Variants in SYCP2 observed in about 807,000 individuals in gnomAD.
The protein encoded by SYCP2 is synaptonemal complex lateral element protein.
In SYCP2, 55 loss-of-function variants were observed where a neutral mutation model predicts 211.3. That is an observed-to-expected ratio of 0.26 (90% CI 0.21 to 0.33). The LOEUF is 0.33. Ranked by LOEUF, SYCP2 falls within the 10% of genes least tolerant of loss-of-function variation. The pLI is 1.00. For synonymous variants in SYCP2, 570 were observed against 555.2 expected, an observed-to-expected ratio of 1.03 and a Z score of -0.37; for missense variants, 1,731 against 1,752.0, an observed-to-expected ratio of 0.99 and a Z score of 0.21.
At chr20:59,878,142 T>A (rs2059597802) in intron 31 of SYCP2, 97 bp from the exon 32 acceptor site, 1 of 877,510 alleles carries the variant, frequency 1.1e-6, no homozygotes, top group African/African-American at 1.7e-5. Context: ...ATTAAAATAA[T>A]AAAAAGTAGT....
intron 17 of SYCP2, 111 bp downstream of exon 17, chr20:59,900,633 G>T: frequency 1.3e-6 from 1 of 743,156 alleles, no homozygotes; most frequent in East Asian, 2.7e-5. Context: ...TGTTTATATT[G>T]AGACCATTTG....
intron 26 of SYCP2, among the ~76,000 whole-genome samples, chr20:59,884,025 G>A (rs1484823065): frequency 3.3e-5 from 5 of 151,712 alleles, no homozygotes; most frequent in African/African-American, 4.8e-5. Context: ...TTTAAATATC[G>A]AAGACTTAAA....
At chr20:59,867,346 T>TG (rs2059369828) in intron 39 of SYCP2, among the ~76,000 whole-genome samples, 1 of 151,664 alleles carries the variant, frequency 6.6e-6, no homozygotes. Context: ...GAAATGGTAT[T>TG]GCTCTGACTG....
rs201739661 is a variant in SYCP2 at position 59,896,467 on chromosome 20, C to A, written c.1466G>T (p.Arg489Ile). ...EASMIVSGADRYTMRSPVLFS... is the reference protein window; with the variant it reads ...EASMIVSGADIYTMRSPVLFS... Reference sequence around the variant, plus strand: ...AAGCACTGGACTTCTCATAGTGTATCTATCTGCACCAGAAACAATCATTGA... The same window carrying A: ...AAGCACTGGACTTCTCATAGTGTATATATCTGCACCAGAAACAATCATTGA... The change falls in exon 19 of 45, where the codon AGA (arginine) becomes ATA (isoleucine). Residue 489 changes from arginine to isoleucine, a missense_variant. By Grantham distance (97) the Arg-to-Ile change is moderately conservative (BLOSUM62 -3). Around this residue, in one of 3 missense-constraint regions of SYCP2, gnomAD observed 1,387 missense variants for 1,351.3 expected, o/e 1.03. Coordinates refer to ENST00000357552, the MANE Select transcript of SYCP2 (RefSeq NM_014258.4). The A allele has an allele frequency of 6.2e-7, 1 of 1,609,370 alleles. No individual in the cohort carries two copies. The highest frequency in any genetic ancestry group is 1.3e-5 in the African/African-American group (1 of 74,794).
At chr20:59,905,225 TG>T (rs1187745760) in intron 15 of SYCP2, among the ~76,000 whole-genome samples, 2 of 152,176 alleles carry the variant, frequency 1.3e-5, no homozygotes, top group African/African-American at 4.8e-5. Context: ...GCTAATCATA[TG>T]CCTATGGGTC....
chr20:59,893,964 A>G (rs958680355), intron 20 of SYCP2, among the ~76,000 whole-genome samples: 12 of 151,922 alleles, frequency 7.9e-5, no homozygotes, highest in East Asian at 1.9e-4. Flanking sequence ...TTTCTTTCTT[A>G]TATTTCACTT....
chr20:59,888,752 T>A (rs1247757464), intron 24 of SYCP2, among the ~76,000 whole-genome samples: 1 of 152,002 alleles, frequency 6.6e-6, no homozygotes, highest in African/African-American at 2.4e-5. Context: ...TCTCAAAGAA[T>A]TAGCAACAAA....
intron 6 of SYCP2, 24 bp downstream of exon 6, chr20:59,919,469 C>T: frequency 7.0e-7 from 1 of 1,422,150 alleles, no homozygotes; most frequent in Non-Finnish European, 9.9e-7. Context: ...TTATAAATAT[C>T]AGTGTAATCA....
At position 59,867,266 on chromosome 20, in the gene SYCP2, T is replaced by A. The variant is rs556257189; in HGVS notation, c.4125+445A>T. On this transcript the variant is annotated intron_variant, in intron 39 of 44. Coordinates refer to ENST00000357552, the MANE Select transcript of SYCP2 (RefSeq NM_014258.4). ...TTAAAAACTGTTTTAAAAAGCATTT[T>A]TGCATTATCTCACTGGAACCTCAAA... Among the ~76,000 whole-genome samples, 9 of 151,720 alleles carry A rather than the reference T, an allele frequency of 5.9e-5. No homozygotes were observed. In the East Asian group the frequency reaches 1.5e-3, roughly 26 times the overall value.
rs927244331 is a variant in SYCP2 at position 59,881,505 on chromosome 20, T to C, written c.2659-13A>G. On this transcript the variant is annotated splice_polypyrimidine_tract_variant and intron_variant, in intron 28 of 44. Coordinates refer to ENST00000357552, the MANE Select transcript of SYCP2 (RefSeq NM_014258.4). ...GAAACTCTTGGATCTATATTGTAAA[T>C]AAACAAAAAAAAAGAGGTGTCAGTG... 2.2e-6 allele frequency: 3 copies of C among 1,393,292 alleles called. No homozygotes were observed. The highest frequency in any genetic ancestry group is 1.5e-5 in the African/African-American group (1 of 66,262). The allele number at this position is 1,393,292 out of a possible 1,614,324, so 86.3% of individuals were successfully genotyped here. A position where few individuals can be genotyped will look rare whatever the true frequency, so the allele number is the denominator to read the frequency against.
chr20:59,930,031 T>C (rs1195009684), intron 2 of SYCP2, among the ~76,000 whole-genome samples: 2 of 152,086 alleles, frequency 1.3e-5, no homozygotes, highest in Non-Finnish European at 2.9e-5. Context: ...CTCTATATAG[T>C]GTAATCTCTT....
chr20:59,913,373 TTTAG>T (rs940241420), intron 12 of SYCP2, among the ~76,000 whole-genome samples: 9 of 152,260 alleles, frequency 5.9e-5, no homozygotes, highest in South Asian at 2.1e-4. Context: ...CGTTAATTTC[TTTAG>T]TAAGTAAAAT....
chr20:59,866,297 A>G lies in SYCP2; in HGVS notation c.4316T>C (p.Phe1439Ser), dbSNP rs1233193459. ...SQSLKDLEKE[F>S]VDFWEKIFQK... ...AAAATTTTTAAAGTAACAAACCACA[A>G]ATTCCTTTTCCAAATCTTTTAAAGA... Residue 1439 changes from phenylalanine to serine, a missense_variant, in exon 41 of 45, where the codon TTT (phenylalanine) becomes TCT (serine). Transcript: ENST00000357552. The G allele has an allele frequency of 6.3e-7, 1 of 1,576,902 alleles. No homozygotes were observed. The highest frequency in any genetic ancestry group is 2.3e-5 in the East Asian group (1 of 44,402).
In SYCP2 at chr20:59,871,995, G is replaced by C. The variant is rs185171804; in HGVS notation, c.3555+1861C>G. Among the ~76,000 whole-genome samples the C allele has an allele frequency of 5.8e-3, 885 of 152,062 alleles. 12 individuals are homozygous for C. The highest frequency in any genetic ancestry group is 0.021 in the African/African-American group (861 of 41,494). On this transcript the variant is annotated intron_variant, in intron 35 of 44. Transcript: ENST00000357552. ...AGTGTGAAACTGGGTTTCAAATTGTGGTCTGTAGAAACTCAGAGTTTTGAA... is the reference window on the plus strand; with the variant it reads ...AGTGTGAAACTGGGTTTCAAATTGTCGTCTGTAGAAACTCAGAGTTTTGAA...
intron 24 of SYCP2, among the ~76,000 whole-genome samples, chr20:59,888,619 C>G (rs976283090): frequency 4.6e-5 from 7 of 151,952 alleles, no homozygotes; most frequent in African/African-American, 1.7e-4. Context: ...CTCATTGCTT[C>G]TTTTTAACAT....
Position 59,910,687 on chromosome 20 carries a change from A to C in SYCP2, c.972+1063T>G, listed in dbSNP as rs148343425. Among the ~76,000 whole-genome samples the C allele has an allele frequency of 1.8e-3, 281 of 151,912 alleles. 2 individuals are homozygous for C. Among genetic ancestry groups the C allele is most frequent in the African/African-American group, 6.5e-3 (271 of 41,460 alleles). On this transcript the variant is annotated intron_variant, in intron 14 of 44. Coordinates refer to ENST00000357552, the MANE Select transcript of SYCP2 (RefSeq NM_014258.4). ...ATAGTAGTTACTGCTATTTAATAAC[A>C]ATACTTTTCTCTTCTCCCAAAACGA...
intron 34 of SYCP2, among the ~76,000 whole-genome samples, chr20:59,874,567 T>C (rs1476855163): frequency 6.6e-6 from 1 of 152,080 alleles, no homozygotes; most frequent in Non-Finnish European, 1.5e-5. Flanking sequence ...TATGCGCTTA[T>C]GTGAAATTTC....
chr20:59,863,754 A>C lies in SYCP2; in HGVS notation c.*557T>G, dbSNP rs1333365792. 1 of 151,970 alleles carries C rather than the reference A, an allele frequency of 6.6e-6. No homozygotes were observed. Among genetic ancestry groups the C allele is most frequent in the Non-Finnish European group, 1.5e-5 (1 of 67,890 alleles). The allele number at this position is 151,970 out of a possible 1,614,324, so 9.4% of individuals were successfully genotyped here. The stretch of plus-strand genomic sequence containing the variant: ...TTGAATTAACATATTTAGGCAATGT[A>C]GTAGCTTTTTTAGGCCATTTAGTGC... On this transcript the variant is annotated 3_prime_UTR_variant, in exon 45 of 45. Coordinates refer to ENST00000357552, the MANE Select transcript of SYCP2 (RefSeq NM_014258.4).
rs757488557 is a variant in SYCP2, at chr20:59,880,320, T to A, written c.2924A>T (p.His975Leu). The A allele has an allele frequency of 1.3e-6, 2 of 1,584,996 alleles. No individual in the cohort carries two copies. Among genetic ancestry groups the A allele is most frequent in the Admixed American group, 3.6e-5 (2 of 55,420 alleles). ...DYSRNKNVKN[H>L]KSGKSRSSLE... ...TTTCTTACTTGATTTTCCACTTTTA[T>A]GATTCTTCACATTTTTATTTCTGCT... Residue 975 changes from histidine to leucine, a missense_variant, in exon 31 of 45, where the codon CAT becomes CTT. This residue lies in a region of SYCP2 where 1,387 missense variants were observed against 1,351.3 expected (regional missense o/e 1.03). Transcript: ENST00000357552.
Sources: allele counts gnomAD v4.1 joint callset (sites outside exome capture counted in the v4.1 genomes callset), GRCh38; gene constraint gnomAD v4.1.1; regional missense constraint gnomAD v4.1.1; transcripts MANE v1.5; gene names NCBI Gene and HGNC (gene_info 2026-07-23, HGNC 2026-07-21).